Variants in GNPTAB observed in about 807,000 individuals in gnomAD.
The protein encoded by GNPTAB is N-acetylglucosamine-1-phosphate transferase subunits alpha and beta, also known as N-acetylglucosamine-1-phosphotransferase subunits alpha/beta.
Under a neutral mutation model 136.6 loss-of-function variants are expected in GNPTAB, and 92 were observed. The ratio of observed to expected loss-of-function variants is 0.67; its 90% CI spans 0.57 to 0.80. The LOEUF (loss-of-function observed/expected upper bound fraction) is 0.80, where lower values mean the gene tolerates loss of function less well. GNPTAB is among the 30% of genes least tolerant of loss of function. The pLI, the probability that GNPTAB is intolerant of heterozygous loss-of-function variation, is 0.00. For missense variants in GNPTAB, 1,343 were observed against 1,501.8 expected (o/e 0.89, Z 1.75); for synonymous variants, 512 against 535.1 (o/e 0.96, Z 0.60).
intron 7 of GNPTAB, among the ~76,000 whole-genome samples, chr12:101,772,470 T>C (rs947848483): frequency 3.3e-5 from 5 of 152,212 alleles, no homozygotes; most frequent in African/African-American, 1.2e-4. Context: ...CCCCTTATGA[T>C]GTAGGCCATT....
intron 16 of GNPTAB, 35 bp from the exon 17 acceptor site, chr12:101,757,692 C>A: frequency 9.6e-7 from 1 of 1,044,980 alleles, no homozygotes; most frequent in South Asian, 1.3e-5. Context: ...GATATCACAT[C>A]AGAGCTGAAA....
chr12:101,796,624 T>G, intron 2 of GNPTAB, 53 bp downstream of exon 2: 1 of 1,201,376 alleles, frequency 8.3e-7, no homozygotes, highest in Non-Finnish European at 1.2e-6. Flanking sequence ...GATGGCTATT[T>G]CATGACTTAC....
At chr12:101,789,823 G>A in intron 3 of GNPTAB, 115 bp downstream of exon 3, 1 of 1,053,892 alleles carries the variant, frequency 9.5e-7, no homozygotes, top group Non-Finnish European at 1.5e-6. Context: ...AGATCCTTTT[G>A]TAGTTCATTA....
chr12:101,824,715 G>C (rs1285758367), intron 1 of GNPTAB, among the ~76,000 whole-genome samples: 1 of 151,410 alleles, frequency 6.6e-6, no homozygotes, highest in African/African-American at 2.4e-5. Flanking sequence ...CAAAGTGCTG[G>C]GATTACACAC....
In GNPTAB at chr12:101,761,215, T is replaced by C; in HGVS notation, c.3047A>G (p.Glu1016Gly). Residue 1016 changes from glutamate to glycine, a missense_variant, in exon 15 of 21, where the codon GAA becomes GGA. Coordinates refer to ENST00000299314, the MANE Select transcript of GNPTAB (RefSeq NM_024312.5). ...QPLNISQVFD[E>G]VDTDQSGVLS... Reference sequence around the variant, plus strand: ...GACACCAGATTGATCTGTATCAACTTCATCAAAGACTTGAGATATATTCAG... The same window carrying C: ...GACACCAGATTGATCTGTATCAACTCCATCAAAGACTTGAGATATATTCAG... 1 of 1,614,048 alleles carries C rather than the reference T, an allele frequency of 6.2e-7. No homozygotes were observed.
intron 5 of GNPTAB, chr12:101,785,777 A>G: frequency 2.0e-6 from 1 of 498,464 alleles, no homozygotes; most frequent in Non-Finnish European, 3.6e-6. Context: ...TATCAGATTG[A>G]AAGTCCTCAT....
intron 2 of GNPTAB, among the ~76,000 whole-genome samples, chr12:101,794,475 C>T (rs1869169510): frequency 6.6e-6 from 1 of 151,418 alleles, no homozygotes; most frequent in South Asian, 2.1e-4. Context: ...ACAGCAAGAC[C>T]CCATCTCTAT....
chr12:101,759,276 T>A (rs1952953151), intron 16 of GNPTAB, among the ~76,000 whole-genome samples: 1 of 143,006 alleles, frequency 7.0e-6, no homozygotes, highest in Non-Finnish European at 1.5e-5. Flanking sequence ...GGCAGGAGAA[T>A]GGCGTGAACC....
chr12:101,820,958 G>A (rs1219141701), intron 1 of GNPTAB, among the ~76,000 whole-genome samples: 2 of 151,260 alleles, frequency 1.3e-5, no homozygotes, highest in Non-Finnish European at 2.9e-5. Context: ...TCAGGAGGCC[G>A]AGGCAGGAGA....
intron 1 of GNPTAB, among the ~76,000 whole-genome samples, chr12:101,798,852 T>C (rs1339267802): frequency 6.6e-6 from 1 of 152,134 alleles, no homozygotes; most frequent in East Asian, 1.9e-4. Context: ...TTTAGTGCAA[T>C]ACCGTAAACT....
At chr12:101,820,252 T>C (rs10444509) in intron 1 of GNPTAB, among the ~76,000 whole-genome samples, 27,462 of 152,204 alleles carry the variant, frequency 0.18, 2,562 homozygotes, top group African/African-American at 0.23. Flanking sequence ...GAACTACAAG[T>C]AGGGTCTGCG....
chr12:101,822,175 A>G (rs1870836599), intron 1 of GNPTAB, among the ~76,000 whole-genome samples: 1 of 152,194 alleles, frequency 6.6e-6, no homozygotes, highest in Non-Finnish European at 1.5e-5. Context: ...GCACTTTGGG[A>G]GGCCGAGGCG....
chr12:101,768,193 T>C (rs754669303), intron 10 of GNPTAB, 33 bp from the exon 11 acceptor site: 17 of 1,610,040 alleles, frequency 1.1e-5, no homozygotes, highest in Non-Finnish European at 1.4e-5. Context: ...ATAAAATGAC[T>C]TCTGGCTTCT....
intron 1 of GNPTAB, among the ~76,000 whole-genome samples, chr12:101,813,732 G>A (rs1870357844): frequency 1.3e-5 from 2 of 152,144 alleles, no homozygotes; most frequent in African/African-American, 2.4e-5. Flanking sequence ...GGGTATGGTA[G>A]CTAACACCTG....
rs1297005829 is a variant in GNPTAB at position 101,806,039 on chromosome 12, CTTAA to C, written c.118-9281_118-9278del. On this transcript the variant is annotated intron_variant, in intron 1 of 20. Coordinates refer to ENST00000299314, the MANE Select transcript of GNPTAB (RefSeq NM_024312.5). ...CAAACAATCGTTTAAAACATAGTAA[CTTAA>C]TTTTCTCAGTCAATAAATATTATGT... Among the ~76,000 whole-genome samples the C allele has an allele frequency of 2.6e-5, 4 of 152,060 alleles. 1 individual carries two copies. Among genetic ancestry groups the C allele is most frequent in the African/African-American group, 9.7e-5 (4 of 41,384 alleles).
intron 10 of GNPTAB, 36 bp from the exon 11 acceptor site, chr12:101,768,196 T>C (rs1953122700): frequency 1.9e-6 from 3 of 1,607,682 alleles, no homozygotes; most frequent in Admixed American, 1.7e-5. Flanking sequence ...AAATGACTTC[T>C]GGCTTCTGAT....
chr12:101,824,432 A>ATATATATATATATAT (rs1188582277), intron 1 of GNPTAB, among the ~76,000 whole-genome samples: 10 of 50,830 alleles, frequency 2.0e-4, no homozygotes, highest in Non-Finnish European at 2.5e-4. Context: ...ATATATATAT[A>ATATATATATATATAT]TTTTCTTTTT....
chr12:101,803,823 C>A (rs1405844043), intron 1 of GNPTAB, among the ~76,000 whole-genome samples: 1 of 152,038 alleles, frequency 6.6e-6, no homozygotes, highest in Non-Finnish European at 1.5e-5. Context: ...ATAATCATGA[C>A]ATATTTTTCC....
chr12:101,824,621 C>T (rs1272026917), intron 1 of GNPTAB, among the ~76,000 whole-genome samples: 1 of 151,132 alleles, frequency 6.6e-6, no homozygotes, highest in African/African-American at 2.4e-5. Flanking sequence ...CATGCACCAC[C>T]ACGCCCAGTT....
Sources: gnomAD v4.1 joint callset for allele counts (sites outside exome capture counted in the v4.1 genomes callset) on GRCh38, gnomAD v4.1.1 for gene constraint, MANE v1.5 for transcripts, NCBI Gene and HGNC (gene_info 2026-07-23, HGNC 2026-07-21) for gene names.